TH: variants seen among roughly 807,000 people sequenced by gnomAD.
TH encodes the protein tyrosine 3-monooxygenase.
Under a neutral mutation model 57.4 loss-of-function variants are expected in TH, and 49 were observed. The ratio of observed to expected loss-of-function variants is 0.85; its 90% CI spans 0.68 to 1.08. TH has a LOEUF of 1.08. Among genes scored for constraint, TH ranks in the 50% least tolerant of loss-of-function variants. The pLI, the probability that TH is intolerant of heterozygous loss-of-function variation, is 0.00. For synonymous variants in TH, 330 were observed against 304.5 expected, an observed-to-expected ratio of 1.08 and a Z score of -0.87; for missense variants, 720 against 696.7, an observed-to-expected ratio of 1.03 and a Z score of -0.38.
chr11:2,171,550 A>G lies in TH; in HGVS notation c.90+147T>C. 1 of 803,100 alleles carries G rather than the reference A, an allele frequency of 1.2e-6. No individual in the cohort carries two copies. Among genetic ancestry groups the G allele is most frequent in the Non-Finnish European group, 2.0e-6 (1 of 491,964 alleles). The allele number at this position is 803,100 out of a possible 1,614,324, so 49.7% of individuals were successfully genotyped here. A position where few individuals can be genotyped will look rare whatever the true frequency, so the allele number is the denominator to read the frequency against. On this transcript the variant is annotated intron_variant, in intron 1 of 12. Coordinates refer to ENST00000352909, the MANE Select transcript of TH (RefSeq NM_000360.4). This position sits in a 1 kb window ranked among gnomAD's most constrained non-coding sequence, Gnocchi z 8.6. ...AGGCACAGGGGATGCCGCTGTGCCC[A>G]GGCCTCCACATCCACGCCGCGTCCC...
At position 2,166,531 on chromosome 11, in the gene TH, C is replaced by A. The variant is rs750185526; in HGVS notation, c.996G>T (p.Leu332=). Residue 332 remains leucine, a synonymous_variant, in exon 9 of 13, where the codon CTG becomes CTT. Transcript: ENST00000352909. ...HSPEPDCCHE[L]LGHVPMLADR... is the part of the protein sequence containing the mutation. ...CGGCCAGCATGGGCACGTGCCCCAG[C>A]AGCTCGTGGCAGCAGTCCCTGCGCG... 3.1e-6 allele frequency: 5 copies of A among 1,602,034 alleles called. No individual in the cohort carries two copies. The Admixed American group carries it at 8.4e-5, about 27-fold the overall frequency.
rs1464591992 is a variant in TH at position 2,170,412 on chromosome 11, G to A, written c.91-541C>T. ...CCTCTGTGCCACCCCGCAGGCGCCC[G>A]CTCCTGGCTGCCTTGTCATCCCTCC... On this transcript the variant is annotated intron_variant, in intron 1 of 12. Transcript: ENST00000352909. The surrounding 1 kb of genome is among the most constrained non-coding windows in gnomAD (Gnocchi z 6.0). Among the ~76,000 whole-genome samples, 2 of 152,092 alleles carry A rather than the reference G, an allele frequency of 1.3e-5. No individual in the cohort carries two copies. Among genetic ancestry groups the A allele is most frequent in the African/African-American group, 4.8e-5 (2 of 41,412 alleles).
Position 2,168,620 on chromosome 11 carries a change from T to A in TH, c.358A>T (p.Arg120Trp). 1 of 1,611,446 alleles carries A rather than the reference T, an allele frequency of 6.2e-7. No individual in the cohort carries two copies. The highest frequency in any genetic ancestry group is 1.1e-5 in the South Asian group (1 of 90,988). The part of the protein sequence containing the change: ...IHHLETRPAQ[R>W]PRAGGPHLEY... Reference sequence around the variant, plus strand: ...AGGTGGGGGCCCCCAGCTCGCGGCCTCTGGGCGGGCCGGGTCTCTAGATGG... The same window carrying A: ...AGGTGGGGGCCCCCAGCTCGCGGCCACTGGGCGGGCCGGGTCTCTAGATGG... Residue 120 changes from arginine to tryptophan, a missense_variant, in exon 3 of 13, where the codon AGG becomes TGG. By Grantham distance (101) the Arg-to-Trp change is moderately radical (BLOSUM62 -3). Transcript: ENST00000352909.
chr11:2,168,423 G>T (rs1218095365), intron 3 of TH, 68 bp downstream of exon 3: 3 of 1,588,020 alleles, frequency 1.9e-6, no homozygotes, highest in African/African-American at 2.7e-5. Flanking sequence ...GGGTCCCCCT[G>T]CAGGAGCCCC....
At chr11:2,167,362 G>GCC (rs1336093612) in intron 6 of TH, 73 bp downstream of exon 6, 3 of 1,496,028 alleles carry the variant, frequency 2.0e-6, no homozygotes, top group Non-Finnish European at 1.8e-6. Context: ...CCTGGAGGCG[G>GCC]CCCTCACACG....
chr11:2,168,373 C>T lies in TH; in HGVS notation c.487+118G>A, dbSNP rs984351003. On this transcript the variant is annotated intron_variant, in intron 3 of 12. Coordinates refer to ENST00000352909, the MANE Select transcript of TH (RefSeq NM_000360.4). ...GCAAAACGGGGTGCGGAGTGGAGCC[C>T]GCAGAGAGGGAACCAGGCCACCACC... is the stretch of plus-strand genomic sequence containing the variant. The T allele has an allele frequency of 1.6e-5, 23 of 1,460,452 alleles. No homozygotes were observed. Among genetic ancestry groups the T allele is most frequent in the African/African-American group, 2.8e-5 (2 of 71,454 alleles). The allele number at this position is 1,460,452 out of a possible 1,614,324, so 90.5% of individuals were successfully genotyped here.
Position 2,166,977 on chromosome 11 carries a change from G to T in TH, c.751C>A (p.His251Asn). The T allele has an allele frequency of 2.5e-6, 4 of 1,593,030 alleles. No individual in the cohort carries two copies. The highest frequency in any genetic ancestry group is 1.1e-5 in the South Asian group (1 of 87,802). ...GLYATHACGE[H>N]LEAFALLERF... ...TCCAGCAAAGCAAAGGCCTCCAGGT[G>T]CTCCCCGCAGGCGTGCGTGGCGTAG... The change falls in exon 7 of 13, where the codon CAC becomes AAC. Residue 251 changes from histidine to asparagine, a missense_variant. Transcript: ENST00000352909.
At chr11:2,165,418 G>A (rs1846060799) in intron 11 of TH, 53 bp from the exon 12 acceptor site, 1 of 1,602,220 alleles carries the variant, frequency 6.2e-7, no homozygotes, top group Non-Finnish European at 8.5e-7. Context: ...GTCCCCGAGG[G>A]AACTGGGGCA....
chr11:2,168,366 T>C (rs1278607219), intron 3 of TH, 125 bp downstream of exon 3: 1 of 1,426,876 alleles, frequency 7.0e-7, no homozygotes, highest in African/African-American at 1.4e-5. Flanking sequence ...GGGTGCGGAG[T>C]GGAGCCCGCA....
intron 9 of TH, 118 bp downstream of exon 9, chr11:2,166,362 C>T: frequency 7.4e-7 from 1 of 1,358,920 alleles, no homozygotes; most frequent in Non-Finnish European, 9.9e-7. Context: ...GCCGAGCCTC[C>T]TTGGCGGGGC....
At position 2,171,275 on chromosome 11, in the gene TH, T is replaced by TCA. The variant is rs1846250102; in HGVS notation, c.90+421_90+422insTG. On this transcript the variant is annotated intron_variant, in intron 1 of 12. Coordinates refer to ENST00000352909, the MANE Select transcript of TH (RefSeq NM_000360.4). This position sits in a 1 kb window ranked among gnomAD's most constrained non-coding sequence, Gnocchi z 8.6. ...CCCCAAGCAGGCAGGCTGGTTGGGGTGCTGACTAGGGCAGCTGGGGCAGAG... is the reference window on the plus strand; with the variant it reads ...CCCCAAGCAGGCAGGCTGGTTGGGGTCAGCTGACTAGGGCAGCTGGGGCAGAG... Among the ~76,000 whole-genome samples the TCA allele has an allele frequency of 1.3e-5, 2 of 150,964 alleles. No individual in the cohort carries two copies. Among genetic ancestry groups the TCA allele is most frequent in the African/African-American group, 4.9e-5 (2 of 41,018 alleles).
chr11:2,165,102 G>T, intron 12 of TH, 130 bp downstream of exon 12: 1 of 1,389,652 alleles, frequency 7.2e-7, no homozygotes, highest in Non-Finnish European at 1.0e-6. Context: ...GGGGGCTGCT[G>T]CAACCAGGGG....
At chr11:2,166,251 C>G in intron 9 of TH, 193 bp from the exon 10 acceptor site, 1 of 867,392 alleles carries the variant, frequency 1.2e-6, no homozygotes, top group East Asian at 2.7e-5. Context: ...TGACCACATT[C>G]CTAAGCCCGT....
intron 2 of TH, 65 bp from the exon 3 acceptor site, chr11:2,168,730 GGGTGGGC>G: frequency 2.0e-6 from 2 of 1,014,762 alleles, no homozygotes; most frequent in Non-Finnish European, 1.5e-6. Context: ...AGAGAGGGTG[GGGTGGGC>G]GGGGAGGAGG....
rs2133688940 is a variant in TH at position 2,165,273 on chromosome 11, G to A, written c.1293C>T (p.Tyr431=). The change falls in exon 12 of 13, where the codon TAC becomes TAT. Residue 431 remains tyrosine, a synonymous_variant. Coordinates refer to ENST00000352909, the MANE Select transcript of TH (RefSeq NM_000360.4). ...CGTCACTGAAGCTCTCAGACACGAA[G>A]TAGACTGACTGGTACGTCTGGTCTT... is the stretch of plus-strand genomic sequence containing the variant. ...PYQDQTYQSV[Y]FVSESFSDAK... is the part of the protein sequence containing the mutation. 3 of 1,612,946 alleles carry A rather than the reference G, an allele frequency of 1.9e-6. No individual in the cohort carries two copies. The highest frequency in any genetic ancestry group is 3.3e-4 in the Middle Eastern group (2 of 6,062).
chr11:2,164,213 C>T lies in TH; in HGVS notation c.*20G>A. 1 of 1,437,230 alleles carries T rather than the reference C, an allele frequency of 7.0e-7. No homozygotes were observed. The highest frequency in any genetic ancestry group is 9.2e-7 in the Non-Finnish European group (1 of 1,091,194). 89.0% of individuals were successfully genotyped at this position (1,437,230 alleles called of 1,614,324 possible). A position where few individuals can be genotyped will look rare whatever the true frequency, so the allele number is the denominator to read the frequency against. On this transcript the variant is annotated 3_prime_UTR_variant, in exon 13 of 13. Coordinates refer to ENST00000352909, the MANE Select transcript of TH (RefSeq NM_000360.4). ...CAGGACCAGGGGAGGTTGGGAAGGGCCCTCAGGGACGCCGTGCACCTAGCC... is the reference window on the plus strand; with the variant it reads ...CAGGACCAGGGGAGGTTGGGAAGGGTCCTCAGGGACGCCGTGCACCTAGCC...
At chr11:2,169,426 G>A (rs1446152026) in intron 2 of TH, among the ~76,000 whole-genome samples, 1 of 152,150 alleles carries the variant, frequency 6.6e-6, no homozygotes, top group East Asian at 1.9e-4. Context: ...AGTGGGGCTT[G>A]GTAGCCTCAG....
chr11:2,169,887 G>A lies in TH; in HGVS notation c.91-16C>T, dbSNP rs2133700285. 2.5e-6 allele frequency: 4 copies of A among 1,604,434 alleles called. No homozygotes were observed. Among genetic ancestry groups the A allele is most frequent in the Non-Finnish European group, 2.5e-6 (3 of 1,177,224 alleles). On this transcript the variant is annotated splice_polypyrimidine_tract_variant and intron_variant, in intron 1 of 12. Coordinates refer to ENST00000352909, the MANE Select transcript of TH (RefSeq NM_000360.4). ...ACCGCGGGGACTGTGGGGACAAGGGGCACCCATGCCTCCTCCACCTGCTGA... is the reference window on the plus strand; with the variant it reads ...ACCGCGGGGACTGTGGGGACAAGGGACACCCATGCCTCCTCCACCTGCTGA...
Position 2,169,640 on chromosome 11 carries a change from A to G in TH, c.312+10T>C, listed in dbSNP as rs2133699465. 2 of 1,613,366 alleles carry G rather than the reference A, an allele frequency of 1.2e-6. No homozygotes were observed. Among genetic ancestry groups the G allele is most frequent in the Non-Finnish European group, 1.7e-6 (2 of 1,179,806 alleles). ...AACTTGCCCCAGGGACACGAAGGCC[A>G]CCAGCTCACCTCAAACACCTTCACA... is the stretch of plus-strand genomic sequence containing the variant. On this transcript the variant is annotated intron_variant, in intron 2 of 12. Transcript: ENST00000352909.
Sources: gnomAD v4.1 joint callset for allele counts (sites outside exome capture counted in the v4.1 genomes callset) on GRCh38, gnomAD v4.1.1 for gene constraint, Gnocchi (gnomAD v3.1) non-coding constraint, MANE v1.5 for transcripts, NCBI Gene and HGNC (gene_info 2026-07-23, HGNC 2026-07-21) for gene names.